The following CELF1 variants were observed in gnomAD, a reference collection of about 807,000 sequenced individuals.
The protein encoded by CELF1 is CUGBP Elav-like family member 1, also known as 50 kDa nuclear polyadenylated RNA-binding protein.
Under a neutral mutation model 61.8 loss-of-function variants are expected in CELF1, and 10 were observed. That is an observed-to-expected ratio of 0.16 (90% CI 0.10 to 0.27). CELF1 has a LOEUF of 0.27. Ranked by LOEUF, CELF1 falls within the 10% of genes least tolerant of loss-of-function variation. CELF1 has a pLI of 1.00. For missense variants in CELF1, 380 were observed against 639.1 expected, an observed-to-expected ratio of 0.59 and a Z score of 4.37; for synonymous variants, 236 against 225.1, an observed-to-expected ratio of 1.05 and a Z score of -0.43.
intron 1 of CELF1, among the ~76,000 whole-genome samples, chr11:47,527,705 T>C (rs950439132): frequency 2.6e-5 from 4 of 152,238 alleles, no homozygotes; most frequent in Non-Finnish European, 5.9e-5. Flanking sequence ...AGCAGTTTAC[T>C]GTGAATTAAT....
chr11:47,551,518 G>A (rs2097136310), intron 1 of CELF1, among the ~76,000 whole-genome samples: 1 of 152,208 alleles, frequency 6.6e-6, no homozygotes, highest in South Asian at 2.1e-4. Flanking sequence ...GTAATTCCAT[G>A]ATTTTCTAAG....
chr11:47,480,371 G>A (rs1027647381), intron 9 of CELF1, among the ~76,000 whole-genome samples: 8 of 152,172 alleles, frequency 5.3e-5, no homozygotes, highest in Non-Finnish European at 1.2e-4. Context: ...ACAGGCATAA[G>A]CCACCGCGCC....
chr11:47,561,797 C>T (rs2097226404), intron 2 of CELF1, among the ~76,000 whole-genome samples: 1 of 152,118 alleles, frequency 6.6e-6, no homozygotes, highest in Non-Finnish European at 1.5e-5. Context: ...TGGAGAAAAA[C>T]ATGTGGTCTG....
chr11:47,517,775 C>T (rs1251494231), intron 1 of CELF1, among the ~76,000 whole-genome samples: 1 of 152,070 alleles, frequency 6.6e-6, no homozygotes, highest in Non-Finnish European at 1.5e-5. Context: ...GCCTCAGCCT[C>T]CCGAGCAGCT....
chr11:47,508,373 G>A (rs370155151), intron 1 of CELF1, among the ~76,000 whole-genome samples: 115 of 152,058 alleles, frequency 7.6e-4, no homozygotes, highest in African/African-American at 2.7e-3. Context: ...CCTCTGAGAC[G>A]AGACTCAGAC....
chr11:47,522,539 AAC>A (rs1226298452), intron 1 of CELF1, among the ~76,000 whole-genome samples: 5 of 143,540 alleles, frequency 3.5e-5, no homozygotes, highest in East Asian at 2.2e-4. Context: ...CAACAACAAC[AAC>A]AAAACGCCAG....
intron 9 of CELF1, among the ~76,000 whole-genome samples, chr11:47,481,015 A>AACAAC (rs2082701467): frequency 6.6e-6 from 1 of 151,638 alleles, no homozygotes; most frequent in African/African-American, 2.4e-5. Flanking sequence ...AACAAAACAA[A>AACAAC]ACAACCCCAA....
intron 3 of CELF1, among the ~76,000 whole-genome samples, chr11:47,493,413 CAGGAGA>C (rs2153508728): frequency 6.8e-6 from 1 of 147,538 alleles, no homozygotes; most frequent in African/African-American, 2.5e-5. Flanking sequence ...GAGGCTGAAG[CAGGAGA>C]ATCACTTGAA....
At chr11:47,499,382 A>T in intron 3 of CELF1, 71 bp downstream of exon 3, 1 of 1,245,132 alleles carries the variant, frequency 8.0e-7, no homozygotes, top group South Asian at 1.4e-5. Context: ...AAAAGGAACC[A>T]ATTTCATCAA....
chr11:47,541,708 A>C (rs1376146293), intron 1 of CELF1, among the ~76,000 whole-genome samples: 1 of 2,046 alleles, frequency 4.9e-4, no homozygotes, highest in African/African-American at 7.2e-4. Flanking sequence ...GAAAGAAAGA[A>C]AGAAAGAAAG....
At chr11:47,483,574 C>G in intron 7 of CELF1, 42 bp from the exon 8 acceptor site, 1 of 1,455,106 alleles carries the variant, frequency 6.9e-7, no homozygotes, top group Non-Finnish European at 9.7e-7. Flanking sequence ...TCATTTATTT[C>G]TCTGACAAAC....
Position 47,489,200 on chromosome 11 carries a change from C to CATTCCATCAGATGCCAAACT in CELF1, c.72-196_72-177dup, listed in dbSNP as rs549047997. Reference sequence around the variant, plus strand: ...CTGGTTCTCCCTCACCATGGCCACCCATTCCATCAGATGCCAAACTAAAGT... The same window carrying CATTCCATCAGATGCCAAACT: ...CTGGTTCTCCCTCACCATGGCCACCCATTCCATCAGATGCCAAACTATTCCATCAGATGCCAAACTAAAGT... On this transcript the variant is annotated intron_variant, in intron 3 of 14. Coordinates refer to ENST00000687097, the MANE Select transcript of CELF1 (RefSeq NM_001376376.1). Among the ~76,000 whole-genome samples, 699 of 152,286 alleles carry CATTCCATCAGATGCCAAACT rather than the reference C, an allele frequency of 4.6e-3. 4 individuals are homozygous for CATTCCATCAGATGCCAAACT. The highest frequency in any genetic ancestry group is 5.8e-3 in the Non-Finnish European group (396 of 68,028).
intron 11 of CELF1, 117 bp downstream of exon 11, chr11:47,477,180 A>G: frequency 8.3e-7 from 1 of 1,210,176 alleles, no homozygotes; most frequent in Non-Finnish European, 1.2e-6. Flanking sequence ...TTTGTTGCTC[A>G]TAATCTGACC....
intron 4 of CELF1, 76 bp from the exon 5 acceptor site, chr11:47,487,317 A>T (rs1230548349): frequency 9.1e-7 from 1 of 1,098,020 alleles, no homozygotes; most frequent in African/African-American, 1.6e-5. Context: ...CTCCACTGAC[A>T]GATCAGATCT....
intron 1 of CELF1, among the ~76,000 whole-genome samples, chr11:47,546,260 G>C (rs1303753952): frequency 3.4e-5 from 5 of 146,460 alleles, no homozygotes; most frequent in Admixed American, 6.8e-5. Flanking sequence ...TTTTGGGCGG[G>C]GGCCGGGGGC....
chr11:47,526,996 A>G (rs2153676640), intron 1 of CELF1, among the ~76,000 whole-genome samples: 1 of 152,124 alleles, frequency 6.6e-6, no homozygotes, highest in South Asian at 2.1e-4. Flanking sequence ...GGTTGCAGTC[A>G]GCCGAGATTG....
chr11:47,484,321 A>T, intron 7 of CELF1, 68 bp downstream of exon 7: 1 of 1,554,642 alleles, frequency 6.4e-7, no homozygotes, highest in East Asian at 2.2e-5. Flanking sequence ...TGTCTCCAAA[A>T]AAAAAAAAAC....
chr11:47,483,879 T>C (rs1015901311), intron 7 of CELF1, among the ~76,000 whole-genome samples: 5 of 152,194 alleles, frequency 3.3e-5, no homozygotes, highest in African/African-American at 4.8e-5. Context: ...ATATAGAATG[T>C]AGACTCCTTA....
At position 47,553,121 on chromosome 11, in the gene CELF1, A is replaced by G. The variant is rs1188192989; in HGVS notation, c.-283T>C. 1 of 396,556 alleles carries G rather than the reference A, an allele frequency of 2.5e-6. No homozygotes were observed. Among genetic ancestry groups the G allele is most frequent in the Non-Finnish European group, 4.4e-6 (1 of 224,750 alleles). The allele number at this position is 396,556 out of a possible 1,614,324, so 24.6% of individuals were successfully genotyped here. ...TCCCGCCGCCGCTGCCGCTGCCGCCAGAGCAGAACACCCCAAAATGGCGGC... is the reference window on the plus strand; with the variant it reads ...TCCCGCCGCCGCTGCCGCTGCCGCCGGAGCAGAACACCCCAAAATGGCGGC... On this transcript the variant is annotated 5_prime_UTR_variant, in exon 1 of 15. Transcript: ENST00000687097.
Sources: gnomAD v4.1 joint callset for allele counts (sites outside exome capture counted in the v4.1 genomes callset) on GRCh38, gnomAD v4.1.1 for gene constraint, MANE v1.5 for transcripts, NCBI Gene and HGNC (gene_info 2026-07-23, HGNC 2026-07-21) for gene names.